TRMT11: variants seen among roughly 807,000 people sequenced by gnomAD.
The protein encoded by TRMT11 is tRNA (guanine(10)-N(2))-methyltransferase TRMT11.
TRMT11 carries 53 observed loss-of-function variants against 62.8 expected under a neutral mutation model. That is an observed-to-expected ratio of 0.84 (90% confidence interval 0.68 to 1.06). The LOEUF (loss-of-function observed/expected upper bound fraction) is 1.06. TRMT11 is among the 50% of genes least tolerant of loss of function. The probability of loss-of-function intolerance (pLI) is 0.00; values close to 1 mark genes in which losing one functional copy is unlikely to be tolerated. For synonymous variants in TRMT11, 188 were observed against 190.3 expected, an observed-to-expected ratio of 0.99 and a Z score of 0.10; for missense variants, 556 against 553.4, an observed-to-expected ratio of 1.00 and a Z score of -0.05.
chr6:126,169,101 A>G (rs1778300860), intron 21 of TRMT11, among the ~76,000 whole-genome samples: 1 of 152,230 alleles, frequency 6.6e-6, no homozygotes. Flanking sequence ...ATGCAGGTGC[A>G]TGTGGTAGCA....
chr6:126,061,523 G>T (rs1776534977), intron 17 of TRMT11, among the ~76,000 whole-genome samples: 1 of 147,704 alleles, frequency 6.8e-6, no homozygotes, highest in South Asian at 2.2e-4. Context: ...TTCTCAGAAT[G>T]AATTAAGGAT....
At chr6:126,101,117 G>A (rs1049960400) in intron 17 of TRMT11, among the ~76,000 whole-genome samples, 4 of 152,070 alleles carry the variant, frequency 2.6e-5, no homozygotes, top group Non-Finnish European at 5.9e-5. Context: ...CCTGCTGTGC[G>A]GACTGGTTCC....
chr6:126,170,350 A>G (rs760345582), intron 21 of TRMT11, among the ~76,000 whole-genome samples: 6 of 152,164 alleles, frequency 3.9e-5, no homozygotes, highest in African/African-American at 1.4e-4. Flanking sequence ...ACTTTACACT[A>G]TGAGTTTTTT....
At chr6:126,195,040 C>G (rs1778648911) in intron 1 of TRMT11, among the ~76,000 whole-genome samples, 1 of 152,146 alleles carries the variant, frequency 6.6e-6, no homozygotes, top group Non-Finnish European at 1.5e-5. Flanking sequence ...TGCTTGAAAC[C>G]AGGAGTTTGA....
intron 21 of TRMT11, among the ~76,000 whole-genome samples, chr6:126,171,514 T>G (rs1358699875): frequency 6.6e-6 from 1 of 152,180 alleles, no homozygotes; most frequent in Non-Finnish European, 1.5e-5. Flanking sequence ...TATTTCAGGT[T>G]GTTGAACTGT....
At chr6:126,156,884 T>G (rs1778128514) in intron 21 of TRMT11, among the ~76,000 whole-genome samples, 4 of 152,198 alleles carry the variant, frequency 2.6e-5, no homozygotes, top group Admixed American at 2.6e-4. Context: ...AATTTTAACA[T>G]GAGATTTGGA....
chr6:126,213,812 C>G, the TRMT11 span, among the ~76,000 whole-genome samples: 2 of 152,008 alleles, frequency 1.3e-5, no homozygotes, highest in African/African-American at 4.8e-5. Context: ...CAGTGGGCAT[C>G]CTTGTCCTAT....
chr6:126,025,849 C>T (rs1171094013), intron 12 of TRMT11, among the ~76,000 whole-genome samples: 1 of 152,068 alleles, frequency 6.6e-6, no homozygotes, highest in African/African-American at 2.4e-5. Context: ...TAACTTTTGG[C>T]CCACTTGGTA....
intron 7 of TRMT11, among the ~76,000 whole-genome samples, chr6:126,000,129 G>A (rs1272926879): frequency 6.6e-6 from 1 of 152,134 alleles, no homozygotes; most frequent in African/African-American, 2.4e-5. Flanking sequence ...AAGTATCAAT[G>A]GGCTAGATAG....
the TRMT11 span, among the ~76,000 whole-genome samples, chr6:126,230,697 G>A: frequency 2.0e-5 from 3 of 152,018 alleles, no homozygotes; most frequent in Non-Finnish European, 4.4e-5. Flanking sequence ...ATATTTCCCT[G>A]GTGGTATGCG....
chr6:126,110,123 C>A (rs985459527), intron 17 of TRMT11, among the ~76,000 whole-genome samples: 1 of 152,180 alleles, frequency 6.6e-6, no homozygotes, highest in Non-Finnish European at 1.5e-5. Flanking sequence ...AGACCTGAGA[C>A]TCTTAATCAG....
At chr6:126,110,797 G>T (rs1174907203) in intron 17 of TRMT11, among the ~76,000 whole-genome samples, 1 of 152,046 alleles carries the variant, frequency 6.6e-6, no homozygotes, top group Non-Finnish European at 1.5e-5. Context: ...ATTGCTATTT[G>T]TATCTATTGT....
chr6:126,266,553 T>G, the TRMT11 span, among the ~76,000 whole-genome samples: 2 of 152,162 alleles, frequency 1.3e-5, no homozygotes, highest in African/African-American at 4.8e-5. Flanking sequence ...GGTGTTAATC[T>G]CTTAATATGG....
chr6:126,092,012 G>A (rs1438049477), intron 17 of TRMT11, among the ~76,000 whole-genome samples: 1 of 152,128 alleles, frequency 6.6e-6, no homozygotes, highest in African/African-American at 2.4e-5. Flanking sequence ...CGAGTCCTAA[G>A]AAACATTTAA....
At chr6:126,011,155 T>G (rs1794118935) in intron 8 of TRMT11, 98 bp from the exon 9 acceptor site, 1 of 998,686 alleles carries the variant, frequency 1.0e-6, no homozygotes, top group Non-Finnish European at 1.4e-6. Flanking sequence ...TTTGAATAAA[T>G]GTAGGTTTCA....
At chr6:126,138,318 C>A (rs1777876218) in intron 21 of TRMT11, among the ~76,000 whole-genome samples, 1 of 151,802 alleles carries the variant, frequency 6.6e-6, no homozygotes, top group South Asian at 2.1e-4. Flanking sequence ...TCTTTAAAAT[C>A]TTAACAGTCT....
At chr6:126,218,364 A>G in the TRMT11 span, among the ~76,000 whole-genome samples, 3 of 152,194 alleles carry the variant, frequency 2.0e-5, no homozygotes, top group East Asian at 1.9e-4. Flanking sequence ...AGTCTCACAC[A>G]AGGTTCATGG....
At chr6:126,135,483 A>T (rs2128209793) in intron 21 of TRMT11, among the ~76,000 whole-genome samples, 1 of 151,952 alleles carries the variant, frequency 6.6e-6, no homozygotes, top group Non-Finnish European at 1.5e-5. Flanking sequence ...AATGAGATTA[A>T]AGCAGTAGTC....
At chr6:126,184,554 G>A (rs1461621864) in intron 1 of TRMT11, among the ~76,000 whole-genome samples, 2 of 152,204 alleles carry the variant, frequency 1.3e-5, no homozygotes, top group Non-Finnish European at 1.5e-5. Flanking sequence ...CCAATATGGT[G>A]AAGCTGGGAT....
Sources: allele counts gnomAD v4.1 joint callset (sites outside exome capture counted in the v4.1 genomes callset), GRCh38; gene constraint gnomAD v4.1.1; transcripts MANE v1.5; gene names NCBI Gene and HGNC (gene_info 2026-07-23, HGNC 2026-07-21).